The following RARB variants were observed in gnomAD, a reference collection of about 807,000 sequenced individuals.
The protein encoded by RARB is retinoic acid receptor beta.
RARB carries 17 observed loss-of-function variants against 51.9 expected under a neutral mutation model. The ratio of observed to expected loss-of-function variants is 0.33; its 90% CI spans 0.22 to 0.49. The LOEUF (loss-of-function observed/expected upper bound fraction) is 0.49, where lower values mean the gene tolerates loss of function less well. RARB is among the 20% of genes least tolerant of loss of function. The pLI is 0.99. For synonymous variants in RARB, 215 were observed against 195.4 expected, an observed-to-expected ratio of 1.10 and a Z score of -0.84; for missense variants, 369 against 550.8, an observed-to-expected ratio of 0.67 and a Z score of 3.30.
chr3:25,098,083 C>T (rs958767746), intron 3 of RARB, among the ~76,000 whole-genome samples: 1 of 152,140 alleles, frequency 6.6e-6, no homozygotes, highest in Admixed American at 6.6e-5. Context: ...AATATACACA[C>T]ACAGCTATGA....
In RARB at chr3:25,312,188, A is replaced by G. The variant is rs9840740; in HGVS notation, c.178+137613A>G. On this transcript the variant is annotated intron_variant, in intron 5 of 11. Coordinates refer to the RARB transcript ENST00000383772. ...AAGAAAAATTAATGTGTTATTTTCT[A>G]TAAATGGAAAGGAGGAATTTTGGCT... 4.6e-3 allele frequency among the ~76,000 whole-genome samples: 708 copies of G among 152,274 alleles called. 5 individuals carry two copies. Among genetic ancestry groups the G allele is most frequent in the African/African-American group, 0.016 (666 of 41,552 alleles).
At chr3:24,843,928 C>G (rs1401389943) in intron 1 of RARB, among the ~76,000 whole-genome samples, 1 of 152,004 alleles carries the variant, frequency 6.6e-6, no homozygotes, top group Admixed American at 6.6e-5. Context: ...CACACACACA[C>G]ACACACACAT....
At chr3:24,958,523 T>G (rs973341782) in intron 2 of RARB, among the ~76,000 whole-genome samples, 6 of 152,148 alleles carry the variant, frequency 3.9e-5, no homozygotes, top group Admixed American at 2.6e-4. Context: ...CTGCTCTCTT[T>G]AGGTTTCCCT....
At chr3:25,551,017 A>G (rs1699830443) in intron 3 of RARB, among the ~76,000 whole-genome samples, 1 of 152,192 alleles carries the variant, frequency 6.6e-6, no homozygotes, top group African/African-American at 2.4e-5. Flanking sequence ...GAGGACACAA[A>G]CATTTAGTCT....
At chr3:25,015,779 A>G (rs1287430058) in intron 2 of RARB, among the ~76,000 whole-genome samples, 1 of 152,202 alleles carries the variant, frequency 6.6e-6, no homozygotes, top group East Asian at 1.9e-4. Context: ...TGTGAATATG[A>G]ACTGCCAAGC....
At chr3:25,527,872 C>T (rs1698723168) in intron 3 of RARB, among the ~76,000 whole-genome samples, 1 of 149,812 alleles carries the variant, frequency 6.7e-6, no homozygotes, top group Non-Finnish European at 1.5e-5. Context: ...CTCCCCTTCG[C>T]CCCCCACAGA....
chr3:25,097,282 T>C (rs1699313459), intron 3 of RARB, among the ~76,000 whole-genome samples: 1 of 152,112 alleles, frequency 6.6e-6, no homozygotes, highest in African/African-American at 2.4e-5. Context: ...AACAATTTAA[T>C]GCAGGGAAAC....
chr3:25,061,242 GTTA>G (rs1394396183), intron 3 of RARB, among the ~76,000 whole-genome samples: 9 of 151,786 alleles, frequency 5.9e-5, no homozygotes, highest in African/African-American at 1.7e-4. Context: ...CATTTCCTTC[GTTA>G]TTATTTTGGG....
At chr3:25,263,063 A>G (rs1186444989) in intron 5 of RARB, among the ~76,000 whole-genome samples, 1 of 152,142 alleles carries the variant, frequency 6.6e-6, no homozygotes, top group Non-Finnish European at 1.5e-5. Flanking sequence ...AGGGATCAGC[A>G]CAGAAGGGGG....
intron 2 of RARB, among the ~76,000 whole-genome samples, chr3:24,946,685 A>G (rs1285841431): frequency 6.6e-6 from 1 of 152,134 alleles, no homozygotes; most frequent in African/African-American, 2.4e-5. Flanking sequence ...CTTAGGCAAC[A>G]TAGTGAGATC....
intron 2 of RARB, among the ~76,000 whole-genome samples, chr3:24,904,482 G>A (rs1383548999): frequency 4.6e-5 from 7 of 152,198 alleles, no homozygotes; most frequent in Admixed American, 4.6e-4. Flanking sequence ...ACACCAGTTA[G>A]AATGGCGATC....
At chr3:24,986,202 T>A (rs2125430458) in intron 2 of RARB, among the ~76,000 whole-genome samples, 1 of 152,318 alleles carries the variant, frequency 6.6e-6, no homozygotes, top group East Asian at 1.9e-4. Flanking sequence ...GTACTAAGGC[T>A]GGAAATATGG....
At chr3:25,292,808 C>A (rs1419737576) in intron 5 of RARB, among the ~76,000 whole-genome samples, 1 of 152,130 alleles carries the variant, frequency 6.6e-6, no homozygotes, top group Non-Finnish European at 1.5e-5. Context: ...ATTTTAGCTG[C>A]AGGCCTGTGT....
At position 25,309,750 on chromosome 3, in the gene RARB, C is replaced by T. The variant is rs539922528; in HGVS notation, c.178+135175C>T. Among the ~76,000 whole-genome samples, 39 of 151,572 alleles carry T rather than the reference C, an allele frequency of 2.6e-4. No individual in the cohort carries two copies. The South Asian group carries it at 7.9e-3, about 31-fold the overall frequency. On this transcript the variant is annotated intron_variant, in intron 5 of 11. Transcript: ENST00000383772. ...GACCTCGTGATCCGCCAACCTCGGC[C>T]TCCCAAAGTGCTGGGATTTCAGGGA...
chr3:25,174,474 C>T (rs759913955), exon 5 of RARB: 3 of 1,351,994 alleles, frequency 2.2e-6, no homozygotes, highest in African/African-American at 1.5e-5. Flanking sequence ...ACACCCTACC[C>T]GTTACTCTTT....
intron 3 of RARB, among the ~76,000 whole-genome samples, chr3:25,119,626 C>T (rs950018009): frequency 2.7e-4 from 40 of 150,264 alleles, no homozygotes; most frequent in African/African-American, 8.1e-4. Context: ...CGCAGCCTAA[C>T]ACCACAAGTG....
At chr3:25,034,654 A>C (rs1697946421) in intron 2 of RARB, among the ~76,000 whole-genome samples, 2 of 152,198 alleles carry the variant, frequency 1.3e-5, no homozygotes, top group African/African-American at 4.8e-5. Context: ...CAGATACAAA[A>C]AGCTCTTCCC....
At chr3:25,441,215 A>G in intron 1 of RARB, 1 of 339,620 alleles carries the variant, frequency 2.9e-6, no homozygotes, top group Non-Finnish European at 5.8e-6. Context: ...CACACAGGTT[A>G]GTGCCCTCAA....
At chr3:25,573,671 C>T (rs1190770707) in intron 4 of RARB, among the ~76,000 whole-genome samples, 1 of 152,178 alleles carries the variant, frequency 6.6e-6, no homozygotes, top group Non-Finnish European at 1.5e-5. Flanking sequence ...GCTCTTAGTT[C>T]GGAGTTGAGC....
Sources: allele counts gnomAD v4.1 joint callset (sites outside exome capture counted in the v4.1 genomes callset), GRCh38; gene constraint gnomAD v4.1.1; transcripts MANE v1.5; gene names NCBI Gene and HGNC (gene_info 2026-07-23, HGNC 2026-07-21).